UNC5CL: variants seen among roughly 807,000 people sequenced by gnomAD.
The protein encoded by UNC5CL is unc-5 family C-terminal like.
In UNC5CL, 42 loss-of-function variants were observed where a neutral mutation model predicts 54.1. The ratio of observed to expected loss-of-function variants is 0.78; its 90% confidence interval spans 0.61 to 1.00. The LOEUF is 1.00. Ranked by LOEUF, UNC5CL falls within the 50% of genes least tolerant of loss-of-function variation. The pLI, the probability that UNC5CL is intolerant of heterozygous loss-of-function variation, is 0.00. For missense variants in UNC5CL, 619 were observed against 675.6 expected (o/e 0.92, Z 0.93); for synonymous variants, 285 against 285.1 (o/e 1.00, Z 0.00).
intron 6 of UNC5CL, among the ~76,000 whole-genome samples, chr6:41,031,042 T>C (rs950174997): frequency 1.3e-5 from 2 of 152,110 alleles, no homozygotes; most frequent in Admixed American, 6.5e-5. Flanking sequence ...GGTGGGGCCG[T>C]GGAGCAGTGG....
At chr6:41,035,652 T>G (rs924344243) in intron 1 of UNC5CL, among the ~76,000 whole-genome samples, 5 of 152,368 alleles carry the variant, frequency 3.3e-5, no homozygotes, top group African/African-American at 1.2e-4. Context: ...TGTCCACTTT[T>G]AATTACATGC....
rs77622983 is a variant in UNC5CL at position 41,033,911 on chromosome 6, T to A, written c.656A>T (p.Asp219Val). The part of the protein sequence containing the change: ...LGRPGAHASR[D>V]ECRIHLSHFS... ...GTGGGAGAGGTGGATGCGACACTCA[T>A]CCCGGGAGGCGTGGGCCCCCGGCCG... is the stretch of plus-strand genomic sequence containing the variant. Residue 219 changes from aspartate (D) to valine (V), a missense_variant, in exon 3 of 9, where the codon GAT becomes GTT. Asp to Val is a radical substitution (Grantham distance 152). Transcript: ENST00000244565. The A allele has an allele frequency of 1.2e-6, 2 of 1,613,604 alleles. No individual in the cohort carries two copies. The highest frequency in any genetic ancestry group is 3.3e-5 in the Admixed American group (2 of 59,982).
At position 41,030,389 on chromosome 6, in the gene UNC5CL, G is replaced by T. The variant is rs147879961; in HGVS notation, c.1333C>A (p.Arg445=). 1 of 1,613,452 alleles carries T rather than the reference G, an allele frequency of 6.2e-7. No homozygotes were observed. Among genetic ancestry groups the T allele is most frequent in the African/African-American group, 1.3e-5 (1 of 74,872 alleles). Residue 445 remains arginine, a splice_region_variant and synonymous_variant, in exon 8 of 9, where the codon CGG becomes AGG. Coordinates refer to ENST00000244565, the MANE Select transcript of UNC5CL (RefSeq NM_173561.3). ...SHLGLCGMKI[R]FLSCQRSPAA... ...CACAGACCTCACCCCTCTTCCTACCGGATCTTCATGCCGCAAAGCCCCAGG... is the reference window on the plus strand; with the variant it reads ...CACAGACCTCACCCCTCTTCCTACCTGATCTTCATGCCGCAAAGCCCCAGG...
chr6:41,035,080 T>G lies in UNC5CL; in HGVS notation c.-6A>C. 6.5e-7 allele frequency: 1 copy of G among 1,549,330 alleles called. No individual in the cohort carries two copies. The highest frequency in any genetic ancestry group is 8.7e-7 in the Non-Finnish European group (1 of 1,144,368). On this transcript the variant is annotated 5_prime_UTR_variant, in exon 2 of 9. Coordinates refer to ENST00000244565, the MANE Select transcript of UNC5CL (RefSeq NM_173561.3). ...GAACTCTCCTGGGGGCACATTCGCC[T>G]GGTTACTCAATGCCGCTGGCTCTCC...
intron 1 of UNC5CL, among the ~76,000 whole-genome samples, 172 bp downstream of exon 1, chr6:41,038,990 A>C (rs1293928065): frequency 6.6e-6 from 1 of 152,160 alleles, no homozygotes; most frequent in Non-Finnish European, 1.5e-5. Flanking sequence ...GAATCATCCC[A>C]GTGGTCCTCA....
In UNC5CL at chr6:41,035,079, C is replaced by G. The variant is rs1762507974; in HGVS notation, c.-5G>C. On this transcript the variant is annotated 5_prime_UTR_variant, in exon 2 of 9. Transcript: ENST00000244565. The stretch of plus-strand genomic sequence containing the variant: ...TGAACTCTCCTGGGGGCACATTCGC[C>G]TGGTTACTCAATGCCGCTGGCTCTC... 5.8e-6 allele frequency: 9 copies of G among 1,549,926 alleles called. No homozygotes were observed. In the Admixed American group the frequency reaches 1.3e-4, roughly 22 times the overall value.
intron 6 of UNC5CL, 65 bp downstream of exon 6, chr6:41,031,616 G>A: frequency 6.5e-7 from 1 of 1,531,148 alleles, no homozygotes; most frequent in Non-Finnish European, 9.0e-7. Flanking sequence ...ACCAGACCCT[G>A]TGCCCACTTT....
In UNC5CL at chr6:41,031,402, C is replaced by A. The variant is rs149923674; in HGVS notation, c.1119+279G>T. 1.8e-3 allele frequency among the ~76,000 whole-genome samples: 270 copies of A among 152,260 alleles called. 1 individual carries two copies. Among genetic ancestry groups the A allele is most frequent in the African/African-American group, 6.1e-3 (252 of 41,528 alleles). ...GAAAGAAACCATATCAACTTGATGC[C>A]CCAGTTCTCTGAGTTGGGAGAAGGG... On this transcript the variant is annotated intron_variant, in intron 6 of 8. Transcript: ENST00000244565.
chr6:41,033,543 C>A, intron 3 of UNC5CL: 1 of 499,218 alleles, frequency 2.0e-6, no homozygotes, highest in South Asian at 2.8e-5. Flanking sequence ...AGCCTGGGGA[C>A]AGTCCTGAAA....
rs1351327699 is a variant in UNC5CL, at chr6:41,029,463, C to A, written c.1335-868G>T. Among the ~76,000 whole-genome samples the A allele has an allele frequency of 6.6e-6, 1 of 152,250 alleles. No homozygotes were observed. Among genetic ancestry groups the A allele is most frequent in the Non-Finnish European group, 1.5e-5 (1 of 68,050 alleles). On this transcript the variant is annotated intron_variant, in intron 8 of 8. Transcript: ENST00000244565. This position sits in a 1 kb window ranked among gnomAD's most constrained non-coding sequence, Gnocchi z 4.1. ...GATTCTTACAGGAAGGCACAAGGAA[C>A]ACTTGCCTTTATTTTTCAAGCTCTC... is the stretch of plus-strand genomic sequence containing the variant.
chr6:41,038,954 T>C (rs887266859), intron 1 of UNC5CL, among the ~76,000 whole-genome samples: 7 of 152,068 alleles, frequency 4.6e-5, no homozygotes, highest in Non-Finnish European at 1.0e-4. Context: ...CATTTGTTAG[T>C]ATAGTAGACA....
intron 6 of UNC5CL, 45 bp downstream of exon 6, chr6:41,031,636 T>A: frequency 6.3e-7 from 1 of 1,598,938 alleles, no homozygotes; most frequent in Non-Finnish European, 8.6e-7. Flanking sequence ...TGCCTAGGAT[T>A]TCCCCCAGGC....
Position 41,027,708 on chromosome 6 carries a change from T to G in UNC5CL, c.*665A>C, listed in dbSNP as rs1028022220. On this transcript the variant is annotated 3_prime_UTR_variant, in exon 9 of 9. Coordinates refer to ENST00000244565, the MANE Select transcript of UNC5CL (RefSeq NM_173561.3). ...CGGGGATGGGCTCCCATGCCCACTT[T>G]CGGCTCCTACCTTAAGTCCAGCCAC... The G allele has an allele frequency of 1.3e-5, 2 of 152,066 alleles. No homozygotes were observed. Among genetic ancestry groups the G allele is most frequent in the Non-Finnish European group, 2.9e-5 (2 of 68,032 alleles). 9.4% of individuals were successfully genotyped at this position (152,066 alleles called of 1,614,324 possible).
intron 6 of UNC5CL, 79 bp downstream of exon 6, chr6:41,031,601 TG>T: frequency 7.2e-7 from 1 of 1,385,384 alleles, no homozygotes; most frequent in Non-Finnish European, 1.0e-6. Flanking sequence ...CCATAGTTAC[TG>T]GGCACCAGAC....
chr6:41,036,369 C>T (rs1311649167), intron 1 of UNC5CL, among the ~76,000 whole-genome samples: 2 of 152,176 alleles, frequency 1.3e-5, no homozygotes, highest in African/African-American at 2.4e-5. Context: ...CTAATGAATC[C>T]GGTCTTAGAC....
chr6:41,036,924 T>G (rs564500956), intron 1 of UNC5CL, among the ~76,000 whole-genome samples: 1 of 141,590 alleles, frequency 7.1e-6, no homozygotes, highest in South Asian at 2.3e-4. Context: ...CACCTCCGCC[T>G]CCTCCTACTT....
rs556517262 is a variant in UNC5CL at position 41,033,139 on chromosome 6, T to G, written c.694A>C (p.Thr232Pro). 1 of 1,612,592 alleles carries G rather than the reference T, an allele frequency of 6.2e-7. No individual in the cohort carries two copies. The highest frequency in any genetic ancestry group is 1.3e-5 in the African/African-American group (1 of 75,012). ...RIHLSHFSLYTCVLEAPVGRE... is the reference protein window; with the variant it reads ...RIHLSHFSLYPCVLEAPVGRE... ...CCCACAGGTGCCTCCAGCACACAGG[T>G]GTAGAGGCTGCAGAGGGAGCCAGTG... Residue 232 changes from threonine (T) to proline (P), a missense_variant, in exon 4 of 9, where the codon ACC (threonine) becomes CCC (proline). Physicochemically the swap from Thr to Pro is conservative, Grantham distance 38 (BLOSUM62 -1). Coordinates refer to ENST00000244565, the MANE Select transcript of UNC5CL (RefSeq NM_173561.3).
chr6:41,031,115 T>C (rs1025343533), intron 6 of UNC5CL, among the ~76,000 whole-genome samples: 16 of 152,112 alleles, frequency 1.1e-4, no homozygotes, highest in African/African-American at 3.4e-4. Flanking sequence ...CATTCCAACC[T>C]TCCCTTCCTC....
chr6:41,034,033 A>T lies in UNC5CL; in HGVS notation c.534T>A (p.Thr178=). The change falls in exon 3 of 9, where the codon ACT becomes ACA. Residue 178 remains threonine, a synonymous_variant. Transcript: ENST00000244565. ...PHGASFLKPC[T]LTFKHCAEQP... ...GCTCGGCACAGTGTTTGAACGTGAG[A>T]GTGCAAGGCTTCAGGAAGGAGGCCC... is the stretch of plus-strand genomic sequence containing the variant. 6.2e-7 allele frequency: 1 copy of T among 1,614,166 alleles called. No individual in the cohort carries two copies. Among genetic ancestry groups the T allele is most frequent in the African/African-American group, 1.3e-5 (1 of 75,042 alleles).
Sources: allele counts gnomAD v4.1 joint callset (sites outside exome capture counted in the v4.1 genomes callset), GRCh38; gene constraint gnomAD v4.1.1; non-coding constraint Gnocchi (gnomAD v3.1); transcripts MANE v1.5; gene names NCBI Gene and HGNC (gene_info 2026-07-23, HGNC 2026-07-21).